Variants in KIAA1614 observed in about 807,000 individuals in gnomAD.
KIAA1614 encodes the protein KIAA1614, also known as uncharacterized protein KIAA1614.
KIAA1614 carries 76 observed loss-of-function variants against 88.7 expected under a neutral mutation model. The ratio of observed to expected loss-of-function variants is 0.86; its 90% confidence interval spans 0.71 to 1.04. The LOEUF (loss-of-function observed/expected upper bound fraction) is 1.04, where lower values mean the gene tolerates loss of function less well. Among genes scored for constraint, KIAA1614 ranks in the 50% least tolerant of loss-of-function variants. The pLI is 0.00. For synonymous variants in KIAA1614, 714 were observed against 675.5 expected, an observed-to-expected ratio of 1.06 and a Z score of -0.88; for missense variants, 1,553 against 1,582.5, an observed-to-expected ratio of 0.98 and a Z score of 0.32.
intron 3 of KIAA1614, among the ~76,000 whole-genome samples, chr1:180,925,146 T>C (rs1050768134): frequency 3.3e-5 from 5 of 152,154 alleles, no homozygotes; most frequent in Non-Finnish European, 7.3e-5. Context: ...CTGTGTCCTG[T>C]CCATGTCCTG....
At chr1:180,943,690 G>A (rs1389139936) in intron 7 of KIAA1614, among the ~76,000 whole-genome samples, 2 of 151,574 alleles carry the variant, frequency 1.3e-5, no homozygotes, top group East Asian at 3.9e-4. Flanking sequence ...TGGGATTACA[G>A]GCACCCGCCA....
At position 180,947,091 on chromosome 1, in the gene KIAA1614, G is replaced by C. The variant is rs1373069741; in HGVS notation, c.*1503G>C. 2 of 152,310 alleles carry C rather than the reference G, an allele frequency of 1.3e-5. No individual in the cohort carries two copies. The highest frequency in any genetic ancestry group is 1.9e-4 in the East Asian group (1 of 5,188). 9.4% of individuals were successfully genotyped at this position (152,310 alleles called of 1,614,324 possible). On this transcript the variant is annotated 3_prime_UTR_variant, in exon 9 of 9. Transcript: ENST00000367588. ...TTGAGCAGGGCCGTGGATGGGGCGA[G>C]GAAGGGGCCCCATGGGTGTCTGGGG... is the stretch of plus-strand genomic sequence containing the variant.
Position 180,935,877 on chromosome 1 carries a change from C to G in KIAA1614, c.1968C>G (p.Gly656=). Residue 656 remains glycine, a synonymous_variant, in exon 5 of 9, where the codon GGC becomes GGG. Transcript: ENST00000367588. This position sits in a 1 kb window ranked among gnomAD's most constrained non-coding sequence, Gnocchi z 6.1. ...RLRLRGSRPR[G]HRWSKKAEAE... The stretch of plus-strand genomic sequence containing the variant: ...GACTGCGGGGCTCCAGGCCTCGAGG[C>G]CACAGGTGGTCCAAGAAGGCTGAGG... 1 of 1,613,884 alleles carries G rather than the reference C, an allele frequency of 6.2e-7. No homozygotes were observed. Among genetic ancestry groups the G allele is most frequent in the Non-Finnish European group, 8.5e-7 (1 of 1,179,938 alleles).
chr1:180,930,065 C>A (rs901093067), intron 4 of KIAA1614, among the ~76,000 whole-genome samples: 2 of 152,138 alleles, frequency 1.3e-5, no homozygotes, highest in African/African-American at 4.8e-5. Context: ...AAACAGACTG[C>A]CCTTGTATTT....
In KIAA1614 at chr1:180,935,786, A is replaced by G; in HGVS notation, c.1877A>G (p.Glu626Gly). The G allele has an allele frequency of 1.2e-6, 2 of 1,613,844 alleles. No individual in the cohort carries two copies. The highest frequency in any genetic ancestry group is 1.7e-6 in the Non-Finnish European group (2 of 1,179,942). ...DNSDNCRTDS[E>G]EAGTSQAGWA... ...TCTGACAACTGCAGGACCGACAGTG[A>G]GGAGGCGGGGACCTCTCAGGCTGGC... is the stretch of plus-strand genomic sequence containing the variant. The change falls in exon 5 of 9, where the codon GAG (glutamate) becomes GGG (glycine). Residue 626 changes from glutamate to glycine, a missense_variant. Physicochemically the swap from Glu to Gly is moderately conservative, Grantham distance 98. Transcript: ENST00000367588. This position sits in a 1 kb window ranked among gnomAD's most constrained non-coding sequence, Gnocchi z 6.1.
intron 8 of KIAA1614, 157 bp downstream of exon 8, chr1:180,944,673 G>A (rs144809718): frequency 0.012 from 8,836 of 762,712 alleles, 72 homozygotes; most frequent in Non-Finnish European, 0.015. Flanking sequence ...GCTGCCACGG[G>A]AGTCTCAGCA....
Position 180,935,953 on chromosome 1 carries a change from G to A in KIAA1614, c.2044G>A (p.Asp682Asn). The A allele has an allele frequency of 6.2e-7, 1 of 1,614,062 alleles. No individual in the cohort carries two copies. The change falls in exon 5 of 9, where the codon GAT becomes AAT. Residue 682 changes from aspartate (D) to asparagine (N), a missense_variant. Coordinates refer to ENST00000367588, the MANE Select transcript of KIAA1614 (RefSeq NM_020950.2). The surrounding 1 kb of genome is among the most constrained non-coding windows in gnomAD (Gnocchi z 6.1). ...CCAGCAACACCTGCCTAGGGCTGAT[G>A]ATGTGGAGGTGGAAAATGAGGTGAA... is the stretch of plus-strand genomic sequence containing the variant. ...QAQQHLPRADDVEVENEVKEG... is the reference protein window; with the variant it reads ...QAQQHLPRADNVEVENEVKEG...
rs1654704766 is a variant in KIAA1614 at position 180,950,346 on chromosome 1, A to G, written c.*4758A>G. On this transcript the variant is annotated 3_prime_UTR_variant, in exon 9 of 9. Coordinates refer to ENST00000367588, the MANE Select transcript of KIAA1614 (RefSeq NM_020950.2). ...CTCCTGTTTTCCTCTGCAGGGATCT[A>G]CGTGCAGGAGATGGCTGACATGAGC... The G allele has an allele frequency of 8.3e-7, 1 of 1,210,874 alleles. No individual in the cohort carries two copies. The highest frequency in any genetic ancestry group is 1.1e-6 in the Non-Finnish European group (1 of 950,294). 75.0% of individuals were successfully genotyped at this position (1,210,874 alleles called of 1,614,324 possible).
At chr1:180,915,891 C>T (rs1330089691) in intron 1 of KIAA1614, among the ~76,000 whole-genome samples, 1 of 152,198 alleles carries the variant, frequency 6.6e-6, no homozygotes, top group Admixed American at 6.5e-5. Context: ...TCTAATGCCT[C>T]ATGATGTGAA....
intron 4 of KIAA1614, among the ~76,000 whole-genome samples, chr1:180,929,723 G>A (rs1466088973): frequency 6.6e-6 from 1 of 152,182 alleles, no homozygotes; most frequent in East Asian, 1.9e-4. Context: ...CATGCACCTG[G>A]GCCTGAGATG....
In KIAA1614 at chr1:180,917,130, G is replaced by T. The variant is rs753732721; in HGVS notation, c.997+30G>T. ...AGCTCACTGTGTAGGTCCAGGTGGT[G>T]GGGGGAGCAGGAGGGAATCCAGAGG... On this transcript the variant is annotated intron_variant, in intron 2 of 8. Transcript: ENST00000367588. 77 of 1,560,004 alleles carry T rather than the reference G, an allele frequency of 4.9e-5. No homozygotes were observed. In the African/African-American group the frequency reaches 7.5e-4, roughly 15 times the overall value.
At chr1:180,934,252 C>CAAA (rs71121058) in intron 4 of KIAA1614, among the ~76,000 whole-genome samples, 1 of 101,794 alleles carries the variant, frequency 9.8e-6, no homozygotes, top group Admixed American at 1.0e-4. Context: ...AACTCCGTCT[C>CAAA]AAAAAAAAAA....
rs1158444653 is a variant in KIAA1614 at position 180,917,861 on chromosome 1, G to T, written c.1008G>T (p.Val336=). Residue 336 remains valine (V), a synonymous_variant, in exon 3 of 9, where the codon GTG becomes GTT. Coordinates refer to ENST00000367588, the MANE Select transcript of KIAA1614 (RefSeq NM_020950.2). ...SWDTAAPERP[V]GDVDWASGTS... Reference sequence around the variant, plus strand: ...TGTTCTGGATCCTAGAGCGACCAGTGGGGGATGTGGACTGGGCCTCGGGCA... The same window carrying T: ...TGTTCTGGATCCTAGAGCGACCAGTTGGGGATGTGGACTGGGCCTCGGGCA... The T allele has an allele frequency of 1.2e-6, 2 of 1,613,868 alleles. No homozygotes were observed.
In KIAA1614 at chr1:180,928,513, C is replaced by T. The variant is rs766402339; in HGVS notation, c.1145C>T (p.Ala382Val). 13 of 1,613,042 alleles carry T rather than the reference C, an allele frequency of 8.1e-6. No individual in the cohort carries two copies. The South Asian group carries it at 1.1e-4, about 14-fold the overall frequency. The part of the protein sequence containing the change: ...THLLQRARMK[A>V]RTRPLRASHD... ...CTGCTGCAGCGTGCCCGCATGAAGG[C>T]CAGGACCCGGCCCCTCCGTGCCAGC... Residue 382 changes from alanine (A) to valine (V), a missense_variant, in exon 4 of 9, where the codon GCC becomes GTC. Physicochemically the swap from Ala to Val is moderately conservative, Grantham distance 64 (BLOSUM62 0). Transcript: ENST00000367588.
Position 180,916,427 on chromosome 1 carries a change from A to G in KIAA1614, c.324A>G (p.Gln108=), listed in dbSNP as rs1249145636. 1.9e-6 allele frequency: 3 copies of G among 1,614,074 alleles called. No homozygotes were observed. Among genetic ancestry groups the G allele is most frequent in the Non-Finnish European group, 2.5e-6 (3 of 1,180,026 alleles). The change falls in exon 2 of 9, where the codon CAA becomes CAG. Residue 108 remains glutamine, a synonymous_variant. Transcript: ENST00000367588. ...KQGVSPCSAS[Q]EWSSPKKPQC... ...GAGTGAGTCCCTGCTCTGCTTCCCA[A>G]GAGTGGTCATCCCCCAAGAAACCCC...
rs1225143584 is a variant in KIAA1614, at chr1:180,917,498, G to A, written c.998-353G>A. ...GCAGACAGGAATCCCTTCCTAAAAG[G>A]AGGCTGGGCGTTCTAGCAGCTGGGC... On this transcript the variant is annotated intron_variant, in intron 2 of 8. Transcript: ENST00000367588. 2.0e-5 allele frequency among the ~76,000 whole-genome samples: 3 copies of A among 152,114 alleles called. No individual in the cohort carries two copies. The East Asian group carries it at 5.8e-4, about 29-fold the overall frequency.
rs768161435 is a variant in KIAA1614, at chr1:180,936,589, G to A, written c.2680G>A (p.Gly894Arg). Residue 894 changes from glycine to arginine, a missense_variant, in exon 5 of 9, where the codon GGG (glycine) becomes AGG (arginine). By Grantham distance (125) the Gly-to-Arg change is moderately radical (BLOSUM62 -2). Coordinates refer to ENST00000367588, the MANE Select transcript of KIAA1614 (RefSeq NM_020950.2). ...SAPRGLQEPY[G>R]GAVHEGRVER... ...ACCTCGGGGGCTGCAGGAGCCCTAC[G>A]GGGGAGCCGTCCACGAGGGTAGGGT... 78 of 1,611,812 alleles carry A rather than the reference G, an allele frequency of 4.8e-5. No homozygotes were observed. The highest frequency in any genetic ancestry group is 1.7e-4 in the Admixed American group (10 of 59,840).
chr1:180,941,067 G>T lies in KIAA1614; in HGVS notation c.2941G>T (p.Gly981Ter). Residue 981 changes from glycine (G) to a stop codon, truncating the protein, a stop_gained, in exon 7 of 9, where the codon GGA becomes TGA. Coordinates refer to ENST00000367588, the MANE Select transcript of KIAA1614 (RefSeq NM_020950.2). LOFTEE classifies it high-confidence loss of function. Reference protein sequence around the residue: ...LSRASAGAGTGPGSPSAAPLD... With the variant: ...LSRASAGAGT ...CAGAGCATCAGCAGGAGCTGGCACA[G>T]GACCCGGCTCCCCCTCGGCTGCCCC... is the stretch of plus-strand genomic sequence containing the variant. 7.5e-7 allele frequency: 1 copy of T among 1,339,536 alleles called. No homozygotes were observed. The highest frequency in any genetic ancestry group is 9.9e-7 in the Non-Finnish European group (1 of 1,012,122). 83.0% of individuals were successfully genotyped at this position (1,339,536 alleles called of 1,614,324 possible).
intron 3 of KIAA1614, among the ~76,000 whole-genome samples, chr1:180,922,406 A>T (rs10914134): frequency 6.6e-6 from 1 of 151,836 alleles, no homozygotes; most frequent in Non-Finnish European, 1.5e-5. Flanking sequence ...TGAGTGATCG[A>T]GGACCAAAAC....
Sources: gnomAD v4.1 joint callset for allele counts (sites outside exome capture counted in the v4.1 genomes callset) on GRCh38, gnomAD v4.1.1 for gene constraint, Gnocchi (gnomAD v3.1) non-coding constraint, MANE v1.5 for transcripts, NCBI Gene and HGNC (gene_info 2026-07-23, HGNC 2026-07-21) for gene names.